Variants in NR4A1 observed in about 807,000 individuals in gnomAD.
NR4A1 encodes the protein nuclear receptor subfamily 4 group A member 1.
A neutral mutation model predicts 47.5 loss-of-function variants in NR4A1; 24 were observed. The ratio of observed to expected loss-of-function variants is 0.50; its 90% CI spans 0.37 to 0.71. NR4A1 has a LOEUF of 0.71. NR4A1 is among the 30% of genes least tolerant of loss of function. The probability of loss-of-function intolerance (pLI) is 0.00; values close to 1 mark genes in which losing one functional copy is unlikely to be tolerated. For synonymous variants in NR4A1, 353 were observed against 345.7 expected, an observed-to-expected ratio of 1.02 and a Z score of -0.24; for missense variants, 669 against 788.6, an observed-to-expected ratio of 0.85 and a Z score of 1.82.
intron 1 of NR4A1, among the ~76,000 whole-genome samples, chr12:52,040,615 C>T (rs1938397674): frequency 6.6e-6 from 1 of 152,142 alleles, no homozygotes; most frequent in South Asian, 2.1e-4. Flanking sequence ...CTCCTGTGGC[C>T]TTTTCCTGCT....
chr12:52,053,244 T>C (rs529667257), intron 1 of NR4A1, among the ~76,000 whole-genome samples: 42 of 152,136 alleles, frequency 2.8e-4, no homozygotes, highest in Non-Finnish European at 5.1e-4. Context: ...TGATGCTATC[T>C]CTGTTCAGGC....
chr12:52,051,357 T>C (rs1358961262), upstream of NR4A1: 3 of 984,274 alleles, frequency 3.0e-6, no homozygotes, highest in African/African-American at 5.2e-5. Flanking sequence ...TGGCCAAAGC[T>C]CGACGGGCGG....
At chr12:52,056,440 G>A (rs1465243452) in intron 3 of NR4A1, 54 bp from the exon 4 acceptor site, 1 of 1,590,840 alleles carries the variant, frequency 6.3e-7, no homozygotes, top group Non-Finnish European at 8.5e-7. Flanking sequence ...GGCTTGGGCT[G>A]AGAGGCCCTT....
At chr12:52,055,284 C>T in intron 2 of NR4A1, 80 bp downstream of exon 2, 8 of 1,560,502 alleles carry the variant, frequency 5.1e-6, no homozygotes, top group Non-Finnish European at 6.9e-6. Flanking sequence ...TGTGGTCTCC[C>T]CCTGGGTTCT....
intron 1 of NR4A1, among the ~76,000 whole-genome samples, chr12:52,036,244 A>G (rs1938233215): frequency 2.0e-5 from 3 of 152,056 alleles, no homozygotes; most frequent in African/African-American, 7.2e-5. Context: ...CACATGGGAG[A>G]GAGAAACCTT....
chr12:52,035,117 G>A (rs531046197), intron 1 of NR4A1, among the ~76,000 whole-genome samples: 5 of 152,176 alleles, frequency 3.3e-5, no homozygotes, highest in Admixed American at 6.5e-5. Context: ...CTAACTCTGA[G>A]TGCCTGCTGT....
chr12:52,059,367 A>G lies in NR4A1; in HGVS notation c.*423A>G, dbSNP rs1344640071. 1.2e-5 allele frequency: 2 copies of G among 169,172 alleles called. No homozygotes were observed. The highest frequency in any genetic ancestry group is 4.7e-5 in the African/African-American group (2 of 42,152). 10.5% of individuals were successfully genotyped at this position (169,172 alleles called of 1,614,324 possible). A position where few individuals can be genotyped will look rare whatever the true frequency, so the allele number is the denominator to read the frequency against. On this transcript the variant is annotated 3_prime_UTR_variant, in exon 7 of 7. Transcript: ENST00000394825. ...CTTCCTACCCTCCTTCCACATGTAC[A>G]TAAACTGTCACTCTAGGAAGAAGAC...
At chr12:52,024,002 G>A (rs1391338011) in intron 1 of NR4A1, among the ~76,000 whole-genome samples, 1 of 152,216 alleles carries the variant, frequency 6.6e-6, no homozygotes, top group African/African-American at 2.4e-5. Context: ...TGCAGAGGTC[G>A]GTCCTGGCCC....
upstream of NR4A1, among the ~76,000 whole-genome samples, chr12:52,047,362 C>G (rs1287269443): frequency 1.3e-5 from 2 of 152,232 alleles, no homozygotes; most frequent in Admixed American, 1.3e-4. Context: ...AGGCCATTCT[C>G]CCTTGAGGGC....
upstream of NR4A1, among the ~76,000 whole-genome samples, chr12:52,047,013 GC>G (rs1227118814): frequency 2.0e-5 from 3 of 151,974 alleles, no homozygotes; most frequent in African/African-American, 7.3e-5. Context: ...AGATGGATAG[GC>G]TGGGCCGTGG....
chr12:52,057,762 A>T (rs1592310018), intron 6 of NR4A1, among the ~76,000 whole-genome samples: 1 of 152,238 alleles, frequency 6.6e-6, no homozygotes, highest in Admixed American at 6.5e-5. Context: ...GACTGTCAGG[A>T]TCCAGACTGC....
At position 52,055,148 on chromosome 12, in the gene NR4A1, G is replaced by A. The variant is rs1349204836; in HGVS notation, c.820G>A (p.Ala274Thr). 2.5e-6 allele frequency: 4 copies of A among 1,613,866 alleles called. No homozygotes were observed. The highest frequency in any genetic ancestry group is 1.3e-5 in the African/African-American group (1 of 74,940). Residue 274 changes from alanine to threonine, a missense_variant, in exon 2 of 7, where the codon GCT becomes ACT. Physicochemically the swap from Ala to Thr is moderately conservative, Grantham distance 58. Transcript: ENST00000394825. ...CCGCTGTGCTGTGTGTGGGGACAAC[G>A]CTTCATGCCAGCATTATGGTGTCCG... is the stretch of plus-strand genomic sequence containing the variant. ...EGRCAVCGDN[A>T]SCQHYGVRTC... is the part of the protein sequence containing the mutation.
intron 1 of NR4A1, chr12:52,038,188 C>A: frequency 1.7e-6 from 1 of 594,266 alleles, no homozygotes; most frequent in Non-Finnish European, 2.1e-6. Flanking sequence ...CCTCAGCCTC[C>A]AGAGTAGCTG....
chr12:52,056,751 A>G, intron 4 of NR4A1, 106 bp downstream of exon 4: 1 of 495,284 alleles, frequency 2.0e-6, no homozygotes, highest in Non-Finnish European at 3.4e-6. Flanking sequence ...ATGAGAAAGG[A>G]GGTTTAAAAA....
chr12:52,048,848 AT>A (rs1429919339), upstream of NR4A1, among the ~76,000 whole-genome samples: 1 of 151,668 alleles, frequency 6.6e-6, no homozygotes, highest in Non-Finnish European at 1.5e-5. Context: ...CTGTGGAGTC[AT>A]TTTCCACAAA....
intron 1 of NR4A1, among the ~76,000 whole-genome samples, chr12:52,040,686 T>C (rs1376173241): frequency 6.6e-6 from 1 of 152,138 alleles, no homozygotes; most frequent in Non-Finnish European, 1.5e-5. Flanking sequence ...GGGGAGAGCC[T>C]GGGTACTGTG....
At chr12:52,042,317 T>G (rs1174782816) in intron 2 of NR4A1, among the ~76,000 whole-genome samples, 1 of 152,070 alleles carries the variant, frequency 6.6e-6, no homozygotes, top group African/African-American at 2.4e-5. Context: ...AGCGGGGAAC[T>G]GGCCTGTCTC....
chr12:52,044,225 G>T (rs1362673378), intron 2 of NR4A1, among the ~76,000 whole-genome samples: 1 of 152,234 alleles, frequency 6.6e-6, no homozygotes, highest in African/African-American at 2.4e-5. Flanking sequence ...GGTCACTGCG[G>T]CGAGTTTGGT....
intron 1 of NR4A1, 89 bp from the exon 2 acceptor site, chr12:52,054,238 C>T: frequency 8.6e-7 from 1 of 1,162,006 alleles, no homozygotes; most frequent in South Asian, 1.6e-5. Flanking sequence ...TGCCACCTTG[C>T]TGCTCTGGGG....
Sources: gnomAD v4.1 joint callset for allele counts (sites outside exome capture counted in the v4.1 genomes callset) on GRCh38, gnomAD v4.1.1 for gene constraint, MANE v1.5 for transcripts, NCBI Gene and HGNC (gene_info 2026-07-23, HGNC 2026-07-21) for gene names.